The following GLRB variants were observed in gnomAD, a reference collection of about 807,000 sequenced individuals.
The protein encoded by GLRB is glycine receptor beta, also known as glycine receptor subunit beta.
GLRB carries 33 observed loss-of-function variants against 54.2 expected under a neutral mutation model. The observed-to-expected ratio is 0.61, with a 90% confidence interval of 0.46 to 0.81. GLRB has a LOEUF of 0.81. Ranked by LOEUF, GLRB falls within the 40% of genes least tolerant of loss-of-function variation. GLRB has a pLI of 0.00. For synonymous variants in GLRB, 209 were observed against 208.2 expected, an observed-to-expected ratio of 1.00 and a Z score of -0.03; for missense variants, 572 against 584.6, an observed-to-expected ratio of 0.98 and a Z score of 0.22.
chr4:157,121,567 T>C (rs1171614330), intron 3 of GLRB, among the ~76,000 whole-genome samples: 2 of 151,500 alleles, frequency 1.3e-5, no homozygotes, highest in Non-Finnish European at 3.0e-5. Flanking sequence ...TACCAGGACC[T>C]ATTCAGTTAC....
At chr4:157,095,400 C>G (rs1253734487) in intron 2 of GLRB, among the ~76,000 whole-genome samples, 2 of 151,454 alleles carry the variant, frequency 1.3e-5, no homozygotes, top group Non-Finnish European at 2.9e-5. Context: ...GAGTTTAGTT[C>G]TGGATGTGTT....
At chr4:157,109,496 A>ATG in intron 2 of GLRB, among the ~76,000 whole-genome samples, 1 of 151,904 alleles carries the variant, frequency 6.6e-6, no homozygotes, top group East Asian at 1.9e-4. Context: ...CTGACAACAG[A>ATG]TGTGTGTGTG....
At chr4:157,087,916 T>G (rs1734470840) in intron 2 of GLRB, among the ~76,000 whole-genome samples, 2 of 152,162 alleles carry the variant, frequency 1.3e-5, no homozygotes, top group Non-Finnish European at 2.9e-5. Flanking sequence ...TAAAGAGAGC[T>G]GAGGTCCCTT....
At chr4:157,102,003 G>C (rs1346081173) in intron 2 of GLRB, among the ~76,000 whole-genome samples, 1 of 152,222 alleles carries the variant, frequency 6.6e-6, no homozygotes, top group African/African-American at 2.4e-5. Context: ...GTGTTTTCAA[G>C]TAATAGCTAT....
At chr4:157,096,924 T>C (rs954683387) in intron 2 of GLRB, among the ~76,000 whole-genome samples, 1 of 152,238 alleles carries the variant, frequency 6.6e-6, no homozygotes, top group Non-Finnish European at 1.5e-5. Flanking sequence ...GGTAATTTAC[T>C]CAAGGAGCTG....
At chr4:157,167,540 T>C (rs1004481830) in intron 9 of GLRB, among the ~76,000 whole-genome samples, 9 of 152,128 alleles carry the variant, frequency 5.9e-5, no homozygotes, top group Non-Finnish European at 1.2e-4. Flanking sequence ...TTGATGAAAG[T>C]AGTCTTTTAA....
chr4:157,085,622 G>A (rs1284811078), intron 2 of GLRB, among the ~76,000 whole-genome samples: 2 of 151,822 alleles, frequency 1.3e-5, no homozygotes, highest in Admixed American at 6.6e-5. Flanking sequence ...TCAGCCTCCC[G>A]AGTAGCTGGG....
At position 157,125,449 on chromosome 4, in the gene GLRB, A is replaced by C. The variant is rs182862583; in HGVS notation, c.297+3052A>C. ...TTAAAACAACGGTATTTTGACTGGC[A>C]TAGCAACCACTATGCCAGTGATGAT... is the stretch of plus-strand genomic sequence containing the variant. On this transcript the variant is annotated intron_variant, in intron 4 of 9. Coordinates refer to ENST00000264428, the MANE Select transcript of GLRB (RefSeq NM_000824.5). Among the ~76,000 whole-genome samples, 299 of 151,992 alleles carry C rather than the reference A, an allele frequency of 2.0e-3. 1 individual carries two copies. Among genetic ancestry groups the C allele is most frequent in the African/African-American group, 7.0e-3 (292 of 41,530 alleles).
intron 3 of GLRB, 76 bp downstream of exon 3, chr4:157,120,738 T>TTA (rs1224920219): frequency 4.1e-6 from 3 of 727,286 alleles, no homozygotes; most frequent in Admixed American, 3.9e-5. Context: ...TTGTGATATT[T>TTA]TATATGTATA....
At chr4:157,113,986 A>C (rs1484381955) in intron 2 of GLRB, among the ~76,000 whole-genome samples, 1 of 151,974 alleles carries the variant, frequency 6.6e-6, no homozygotes, top group Non-Finnish European at 1.5e-5. Flanking sequence ...AAATACAAAA[A>C]TAAAAAATAC....
At chr4:157,129,167 A>G (rs542017399) in intron 4 of GLRB, among the ~76,000 whole-genome samples, 1 of 151,896 alleles carries the variant, frequency 6.6e-6, no homozygotes, top group African/African-American at 2.4e-5. Flanking sequence ...TTTTTCAGAT[A>G]ATGATTAATA....
In GLRB at chr4:157,078,107, A is replaced by G. The variant is rs776194537; in HGVS notation, c.83A>G (p.Lys28Arg). The change falls in exon 2 of 10, where the codon AAG becomes AGG. Residue 28 changes from lysine to arginine, a missense_variant. Lys to Arg is a conservative substitution (Grantham distance 26). Coordinates refer to ENST00000264428, the MANE Select transcript of GLRB (RefSeq NM_000824.5). ...EEAYSKEKSS[K>R]KGKGKKKQYL... ...GCCTATTCTAAGGAAAAGTCTTCAA[A>G]GAAAGGGAAGGGGAAAAAGAAGCAG... 3 of 1,612,254 alleles carry G rather than the reference A, an allele frequency of 1.9e-6. No homozygotes were observed. The African/African-American group carries it at 4.0e-5, about 22-fold the overall frequency.
chr4:157,153,958 A>G (rs1737126467), intron 9 of GLRB, among the ~76,000 whole-genome samples: 1 of 152,328 alleles, frequency 6.6e-6, no homozygotes, highest in Non-Finnish European at 1.5e-5. Flanking sequence ...TTAGATGCAG[A>G]AGCAAAGGAA....
chr4:157,145,133 A>T (rs1373541595), intron 8 of GLRB, among the ~76,000 whole-genome samples: 1 of 152,216 alleles, frequency 6.6e-6, no homozygotes. Flanking sequence ...TATAAATGTC[A>T]GGCTTCCAAG....
intron 4 of GLRB, among the ~76,000 whole-genome samples, chr4:157,125,210 CT>C (rs1735975227): frequency 6.6e-6 from 1 of 151,806 alleles, no homozygotes; most frequent in African/African-American, 2.4e-5. Flanking sequence ...GAGGATACTT[CT>C]TCAAAACAAA....
intron 7 of GLRB, among the ~76,000 whole-genome samples, chr4:157,139,973 G>C (rs1736549819): frequency 6.6e-6 from 1 of 151,974 alleles, no homozygotes; most frequent in South Asian, 2.1e-4. Flanking sequence ...TTAATATTAA[G>C]AGGTGGAGAG....
Position 157,170,746 on chromosome 4 carries a change from T to C in GLRB, c.*18T>C, listed in dbSNP as rs768246013. On this transcript the variant is annotated 3_prime_UTR_variant, in exon 10 of 10. Transcript: ENST00000264428. ...ATTTATGATAAATCTTTTCCATTTGTACAAAATAAAATTCCATTTCATTGT... is the reference window on the plus strand; with the variant it reads ...ATTTATGATAAATCTTTTCCATTTGCACAAAATAAAATTCCATTTCATTGT... The C allele has an allele frequency of 5.1e-6, 7 of 1,367,322 alleles. No individual in the cohort carries two copies. Among genetic ancestry groups the C allele is most frequent in the Non-Finnish European group, 6.9e-6 (7 of 1,008,750 alleles). The allele number at this position is 1,367,322 out of a possible 1,614,324, so 84.7% of individuals were successfully genotyped here.
At chr4:157,133,922 G>A (rs888194875) in intron 4 of GLRB, among the ~76,000 whole-genome samples, 1 of 151,912 alleles carries the variant, frequency 6.6e-6, no homozygotes, top group African/African-American at 2.4e-5. Context: ...TAAAAACAAA[G>A]CTATTTTTGG....
intron 2 of GLRB, among the ~76,000 whole-genome samples, chr4:157,114,197 C>T (rs967857851): frequency 6.6e-6 from 1 of 151,522 alleles, no homozygotes; most frequent in Non-Finnish European, 1.5e-5. Flanking sequence ...TTCATAAGCC[C>T]CAGCCTTAAC....
Sources: gnomAD v4.1 joint callset for allele counts (sites outside exome capture counted in the v4.1 genomes callset) on GRCh38, gnomAD v4.1.1 for gene constraint, MANE v1.5 for transcripts, NCBI Gene and HGNC (gene_info 2026-07-23, HGNC 2026-07-21) for gene names.